Variants in OLFML2B observed in about 807,000 individuals in gnomAD.
The protein encoded by OLFML2B is olfactomedin-like protein 2B.
A neutral mutation model predicts 74.9 loss-of-function variants in OLFML2B; 57 were observed. The ratio of observed to expected loss-of-function variants is 0.76; its 90% confidence interval spans 0.61 to 0.95. OLFML2B has a LOEUF of 0.95. Ranked by LOEUF, OLFML2B falls within the 40% of genes least tolerant of loss-of-function variation. The pLI is 0.00. For synonymous variants in OLFML2B, 388 were observed against 405.8 expected (o/e 0.96, Z 0.53); for missense variants, 986 against 970.6 (o/e 1.02, Z -0.21).
At chr1:162,013,509 A>G (rs1690450497) in intron 3 of OLFML2B, among the ~76,000 whole-genome samples, 1 of 152,190 alleles carries the variant, frequency 6.6e-6, no homozygotes, top group African/African-American at 2.4e-5. Flanking sequence ...ATGTGTGCAG[A>G]ACTTTTATAC....
At chr1:161,990,945 T>G (rs927107374) in intron 6 of OLFML2B, among the ~76,000 whole-genome samples, 4 of 152,252 alleles carry the variant, frequency 2.6e-5, no homozygotes, top group African/African-American at 9.6e-5. Context: ...CCACTTTCTT[T>G]GTTCATCAAT....
intron 6 of OLFML2B, 31 bp from the exon 7 acceptor site, chr1:161,985,011 G>A: frequency 6.3e-7 from 1 of 1,585,600 alleles, no homozygotes. Context: ...GGAGGTTTTG[G>A]GCTGATCTAG....
chr1:162,006,368 T>C lies in OLFML2B; in HGVS notation c.652A>G (p.Ile218Val). 1 of 1,613,266 alleles carries C rather than the reference T, an allele frequency of 6.2e-7. No individual in the cohort carries two copies. The highest frequency in any genetic ancestry group is 8.5e-7 in the Non-Finnish European group (1 of 1,179,758). The change falls in exon 4 of 8, where the codon ATC becomes GTC. Residue 218 changes from isoleucine to valine, a missense_variant. Physicochemically the swap from Ile to Val is conservative, Grantham distance 29. Coordinates refer to ENST00000294794, the MANE Select transcript of OLFML2B (RefSeq NM_015441.3). Reference protein sequence around the residue: ...KRGKENCSENILDSMPDIRSA... With the variant: ...KRGKENCSENVLDSMPDIRSA... The stretch of plus-strand genomic sequence containing the variant: ...CGGATGTCTGGCATGCTATCTAGGA[T>C]GTTTTCAGAGCAATTTTCTTTGCCT...
At chr1:162,022,321 G>A (rs528741183) in intron 1 of OLFML2B, among the ~76,000 whole-genome samples, 2 of 126,686 alleles carry the variant, frequency 1.6e-5, no homozygotes, top group South Asian at 2.5e-4. Context: ...CGCGATCTCC[G>A]CTTACTGCAA....
chr1:161,985,428 C>T (rs750312256), intron 6 of OLFML2B, among the ~76,000 whole-genome samples: 2 of 152,222 alleles, frequency 1.3e-5, no homozygotes, highest in African/African-American at 2.4e-5. Flanking sequence ...CTGCCCCCAA[C>T]CGGAGCGTAA....
intron 6 of OLFML2B, among the ~76,000 whole-genome samples, chr1:161,987,299 T>C (rs968724731): frequency 6.6e-6 from 1 of 152,110 alleles, no homozygotes; most frequent in Non-Finnish European, 1.5e-5. Context: ...GAGCCTGTGA[T>C]TGGGACAAAA....
rs551693990 is a variant in OLFML2B, at chr1:161,984,291, A to G, written c.1652-15T>C. On this transcript the variant is annotated splice_polypyrimidine_tract_variant and intron_variant, in intron 7 of 7. Coordinates refer to ENST00000294794, the MANE Select transcript of OLFML2B (RefSeq NM_015441.3). ...GCTCCAGCGACCTGCAGGTGGGGAGAAAACAGGAGGCTTCAGAGTGGCATG... is the reference window on the plus strand; with the variant it reads ...GCTCCAGCGACCTGCAGGTGGGGAGGAAACAGGAGGCTTCAGAGTGGCATG... 1.3e-6 allele frequency: 2 copies of G among 1,516,758 alleles called. No homozygotes were observed. Among genetic ancestry groups the G allele is most frequent in the South Asian group, 2.7e-5 (2 of 75,130 alleles). The allele number at this position is 1,516,758 out of a possible 1,614,324, so 94.0% of individuals were successfully genotyped here.
At chr1:162,006,024 G>A (rs2101968030) in intron 4 of OLFML2B, among the ~76,000 whole-genome samples, 1 of 152,052 alleles carries the variant, frequency 6.6e-6, no homozygotes, top group East Asian at 1.9e-4. Context: ...TCACAAAGGT[G>A]GGATATCAGA....
intron 1 of OLFML2B, among the ~76,000 whole-genome samples, chr1:162,021,946 A>T (rs975491864): frequency 1.3e-5 from 2 of 152,174 alleles, no homozygotes; most frequent in Non-Finnish European, 2.9e-5. Flanking sequence ...TAGCATCATT[A>T]TTAAAGGAAG....
At position 162,011,131 on chromosome 1, in the gene OLFML2B, C is replaced by CA. The variant is rs532416905; in HGVS notation, c.547-4659dup. ...AGACACCTGTGGGAGTAGACAAAGC[C>CA]AGACTGCAGGTGAGGCAAACCCTGG... On this transcript the variant is annotated intron_variant, in intron 3 of 7. Transcript: ENST00000294794. Among the ~76,000 whole-genome samples the CA allele has an allele frequency of 2.0e-4, 31 of 152,270 alleles. No individual in the cohort carries two copies. In the East Asian group the frequency reaches 4.1e-3, roughly 20 times the overall value.
chr1:162,006,578 T>G, intron 3 of OLFML2B, 105 bp from the exon 4 acceptor site: 1 of 880,340 alleles, frequency 1.1e-6, no homozygotes, highest in Non-Finnish European at 1.7e-6. Context: ...ACAGACAGGC[T>G]GAGAAATCAT....
chr1:162,021,845 G>A (rs1690710713), intron 1 of OLFML2B, among the ~76,000 whole-genome samples: 1 of 152,110 alleles, frequency 6.6e-6, no homozygotes, highest in African/African-American at 2.4e-5. Flanking sequence ...AGTTTTTGTT[G>A]ATAGTGTTCC....
intron 4 of OLFML2B, among the ~76,000 whole-genome samples, chr1:162,005,895 A>AACCTATC (rs1163455078): frequency 1.6e-5 from 2 of 121,244 alleles, no homozygotes; most frequent in East Asian, 4.4e-4. Context: ...GCAGAGCTGG[A>AACCTATC]ACCTATCAAA....
chr1:161,997,319 GGT>G (rs1689938942), intron 6 of OLFML2B, among the ~76,000 whole-genome samples: 1 of 152,068 alleles, frequency 6.6e-6, no homozygotes, highest in Admixed American at 6.5e-5. Flanking sequence ...CTTGTCACAT[GGT>G]GCCATGATGT....
intron 6 of OLFML2B, among the ~76,000 whole-genome samples, chr1:161,988,669 G>T (rs887180854): frequency 4.0e-5 from 6 of 151,098 alleles, no homozygotes; most frequent in African/African-American, 1.5e-4. Flanking sequence ...TTTGGCTAGT[G>T]CTTCCTCTTC....
rs1571296402 is a variant in OLFML2B at position 162,000,336 on chromosome 1, A to G, written c.726T>C (p.Tyr242=). 6.2e-7 allele frequency: 1 copy of G among 1,611,686 alleles called. No individual in the cohort carries two copies. The highest frequency in any genetic ancestry group is 8.5e-7 in the Non-Finnish European group (1 of 1,179,778). Residue 242 remains tyrosine (Y), a splice_region_variant and synonymous_variant, in exon 5 of 8, where the codon TAT becomes TAC. Coordinates refer to ENST00000294794, the MANE Select transcript of OLFML2B (RefSeq NM_015441.3). ...TTTCTTCCTGCAGAAACCGCTCTTC[A>G]TACTGCTCCTCAGAGGGGACACAAG... ...DAAAAYAHPE[Y]EERFLQEETV...
At chr1:162,000,489 A>G (rs1293929494) in intron 4 of OLFML2B, 151 bp from the exon 5 acceptor site, 2 of 596,810 alleles carry the variant, frequency 3.4e-6, no homozygotes, top group East Asian at 5.5e-5. Flanking sequence ...ACATTTACAT[A>G]TGTTAACTAA....
chr1:162,006,170 T>C (rs1690223485), intron 4 of OLFML2B, 127 bp downstream of exon 4: 3 of 822,240 alleles, frequency 3.6e-6, no homozygotes, highest in African/African-American at 1.7e-5. Flanking sequence ...TGCAGAACAA[T>C]TGTATGGATG....
intron 2 of OLFML2B, among the ~76,000 whole-genome samples, chr1:162,018,140 G>A (rs866376196): frequency 1.2e-4 from 18 of 152,162 alleles, no homozygotes; most frequent in African/African-American, 4.3e-4. Flanking sequence ...TGATGGTGGA[G>A]GGTAGGAAGA....
Sources: allele counts gnomAD v4.1 joint callset (sites outside exome capture counted in the v4.1 genomes callset), GRCh38; gene constraint gnomAD v4.1.1; transcripts MANE v1.5; gene names NCBI Gene and HGNC (gene_info 2026-07-23, HGNC 2026-07-21).